Variants in MARK3 observed in about 807,000 individuals in gnomAD.
MARK3 encodes the protein microtubule affinity regulating kinase 3.
In MARK3, 46 loss-of-function variants were observed where a neutral mutation model predicts 90.1. The ratio of observed to expected loss-of-function variants is 0.51; its 90% CI spans 0.40 to 0.65. The LOEUF (loss-of-function observed/expected upper bound fraction) is 0.65, where lower values mean the gene tolerates loss of function less well. Among genes scored for constraint, MARK3 ranks in the 30% least tolerant of loss-of-function variants. MARK3 has a pLI of 0.00. For missense variants in MARK3, 818 were observed against 947.2 expected (o/e 0.86, Z 1.79); for synonymous variants, 321 against 332.6 (o/e 0.97, Z 0.38).
intron 2 of MARK3, among the ~76,000 whole-genome samples, chr14:103,422,989 A>G (rs2092275889): frequency 6.6e-6 from 1 of 152,172 alleles, no homozygotes; most frequent in South Asian, 2.1e-4. Context: ...GTGTTATTAC[A>G]TGAAGAGACA....
At chr14:103,412,840 A>G (rs749169136) in intron 2 of MARK3, 32 of 334,166 alleles carry the variant, frequency 9.6e-5, no homozygotes, top group Non-Finnish European at 1.5e-4. Flanking sequence ...GGAAATTGAT[A>G]TTTTAATGAT....
chr14:103,402,756 G>C (rs928185185), intron 1 of MARK3, among the ~76,000 whole-genome samples: 15 of 152,146 alleles, frequency 9.9e-5, no homozygotes, highest in African/African-American at 3.4e-4. Flanking sequence ...CCACAGGGTG[G>C]TCTTCAGTAT....
chr14:103,407,045 G>C (rs1031181580), intron 2 of MARK3, among the ~76,000 whole-genome samples: 4 of 151,836 alleles, frequency 2.6e-5, no homozygotes, highest in Non-Finnish European at 4.4e-5. Flanking sequence ...GTGTTAGCCA[G>C]GATGGTCTCG....
intron 3 of MARK3, among the ~76,000 whole-genome samples, chr14:103,434,757 C>G (rs2092674867): frequency 6.6e-6 from 1 of 152,192 alleles, no homozygotes; most frequent in African/African-American, 2.4e-5. Flanking sequence ...TAGAAGAATT[C>G]AGAATCTAGT....
At chr14:103,452,909 C>A (rs544926223) in intron 5 of MARK3, among the ~76,000 whole-genome samples, 1 of 152,316 alleles carries the variant, frequency 6.6e-6, no homozygotes, top group East Asian at 1.9e-4. Context: ...ACACACCTCA[C>A]ATTTTGTTTA....
At chr14:103,480,187 G>A (rs1239311082) in intron 13 of MARK3, among the ~76,000 whole-genome samples, 200 bp from the exon 14 acceptor site, 1 of 152,186 alleles carries the variant, frequency 6.6e-6, no homozygotes, top group African/African-American at 2.4e-5. Context: ...TTGGGAGGCT[G>A]TGGTGGGAGG....
At chr14:103,423,112 C>G (rs1327077612) in intron 2 of MARK3, among the ~76,000 whole-genome samples, 2 of 148,970 alleles carry the variant, frequency 1.3e-5, no homozygotes, top group African/African-American at 2.5e-5. Flanking sequence ...TGTTAAGTCC[C>G]CCAGTGTGTG....
chr14:103,414,694 G>T (rs906486251), intron 2 of MARK3, among the ~76,000 whole-genome samples: 1 of 152,190 alleles, frequency 6.6e-6, no homozygotes, highest in African/African-American at 2.4e-5. Flanking sequence ...AAGGCTTATT[G>T]TGTATTATGT....
chr14:103,464,833 A>T (rs2093473210), intron 7 of MARK3, among the ~76,000 whole-genome samples: 1 of 152,092 alleles, frequency 6.6e-6, no homozygotes, highest in Non-Finnish European at 1.5e-5. Context: ...AGTAGCTGGG[A>T]TTGCAGATGT....
chr14:103,459,702 A>C (rs2093356130), intron 6 of MARK3, among the ~76,000 whole-genome samples: 1 of 151,020 alleles, frequency 6.6e-6, no homozygotes. Context: ...TAGTAGAGAC[A>C]AGGTTTCACC....
intron 14 of MARK3, among the ~76,000 whole-genome samples, chr14:103,484,385 C>T (rs2093885266): frequency 6.6e-6 from 1 of 152,128 alleles, no homozygotes; most frequent in African/African-American, 2.4e-5. Context: ...CTAGGCCAGG[C>T]TGGTCTCAAA....
At chr14:103,406,614 T>A (rs12889703) in intron 2 of MARK3, among the ~76,000 whole-genome samples, 39,372 of 147,954 alleles carry the variant, frequency 0.27, 5,130 homozygotes, top group Non-Finnish European at 0.34. Context: ...GTTTTTGTTT[T>A]TTTTCTGAGG....
At chr14:103,446,465 T>C (rs749200048) in intron 3 of MARK3, among the ~76,000 whole-genome samples, 8 of 152,070 alleles carry the variant, frequency 5.3e-5, no homozygotes, top group Non-Finnish European at 4.4e-5. Context: ...GAGGTTGCAG[T>C]GAGCCGATAT....
intron 2 of MARK3, 101 bp from the exon 3 acceptor site, chr14:103,428,286 G>C (rs564439948): frequency 1.7e-6 from 1 of 574,012 alleles, no homozygotes; most frequent in East Asian, 3.5e-5. Flanking sequence ...GTGGTTTGTT[G>C]CTTGCTTGCT....
At chr14:103,455,464 C>T (rs1308083128) in intron 5 of MARK3, among the ~76,000 whole-genome samples, 3 of 152,234 alleles carry the variant, frequency 2.0e-5, no homozygotes, top group African/African-American at 4.8e-5. Context: ...CGGTGGCTCA[C>T]GCGTGTAATC....
intron 17 of MARK3, among the ~76,000 whole-genome samples, chr14:103,502,339 A>G (rs1057336696): frequency 6.6e-6 from 1 of 152,242 alleles, no homozygotes; most frequent in Non-Finnish European, 1.5e-5. Context: ...AGAGAGGAGG[A>G]AAAACAATGA....
Position 103,492,088 on chromosome 14 carries a change from A to G in MARK3, c.1844+54A>G, listed in dbSNP as rs557205818. 1.9e-4 allele frequency: 301 copies of G among 1,577,712 alleles called. 1 individual carries two copies. In the South Asian group the frequency reaches 3.1e-3, roughly 16 times the overall value. On this transcript the variant is annotated intron_variant, in intron 15 of 17. Transcript: ENST00000429436. ...GTGAACACATAGAGCAAAAGGAAAGATGTCTTTTTTGTTGTGTGAAGCCAC... is the reference window on the plus strand; with the variant it reads ...GTGAACACATAGAGCAAAAGGAAAGGTGTCTTTTTTGTTGTGTGAAGCCAC...
intron 7 of MARK3, among the ~76,000 whole-genome samples, chr14:103,463,011 G>A (rs2093430646): frequency 6.6e-6 from 1 of 152,118 alleles, no homozygotes; most frequent in Non-Finnish European, 1.5e-5. Context: ...GGGTGCTTCT[G>A]CTCTGAGCTC....
chr14:103,484,163 C>CTTTTTTTTTTTTTTT (rs34512580), intron 14 of MARK3, among the ~76,000 whole-genome samples: 1 of 146,282 alleles, frequency 6.8e-6, no homozygotes. Flanking sequence ...AGAATCTTTT[C>CTTTTTTTTTTTTTTT]TTTTTTTTTT....
Sources: gnomAD v4.1 joint callset for allele counts (sites outside exome capture counted in the v4.1 genomes callset) on GRCh38, gnomAD v4.1.1 for gene constraint, MANE v1.5 for transcripts, NCBI Gene and HGNC (gene_info 2026-07-23, HGNC 2026-07-21) for gene names.